AKT3: variants seen among roughly 807,000 people sequenced by gnomAD.
AKT3 encodes the protein RAC-gamma serine/threonine-protein kinase.
AKT3 carries 15 observed loss-of-function variants against 65.3 expected under a neutral mutation model. That is an observed-to-expected ratio of 0.23 (90% confidence interval 0.15 to 0.35). The LOEUF (loss-of-function observed/expected upper bound fraction) is 0.35. Among genes scored for constraint, AKT3 ranks in the 10% least tolerant of loss-of-function variants. The probability of loss-of-function intolerance (pLI) is 1.00; values close to 1 mark genes in which losing one functional copy is unlikely to be tolerated. For missense variants in AKT3, 243 were observed against 576.5 expected (o/e 0.42, Z 5.92); for synonymous variants, 206 against 183.8 (o/e 1.12, Z -0.98).
At chr1:243,830,064 T>TC (rs1694407707) in intron 2 of AKT3, among the ~76,000 whole-genome samples, 1 of 152,168 alleles carries the variant, frequency 6.6e-6, no homozygotes. Flanking sequence ...TCTGTGGGTT[T>TC]CCCATCTGTG....
intron 2 of AKT3, among the ~76,000 whole-genome samples, chr1:243,790,838 C>T (rs778595925): frequency 2.3e-4 from 35 of 152,060 alleles, no homozygotes; most frequent in Non-Finnish European, 4.0e-4. Context: ...GACAGGGGTA[C>T]AGCCAGTTGC....
rs760788868 is a variant in AKT3 at position 243,779,713 on chromosome 1, A to G, written c.46+63412T>C. Among the ~76,000 whole-genome samples the G allele has an allele frequency of 4.9e-4, 75 of 152,110 alleles. 1 individual carries two copies. The highest frequency in any genetic ancestry group is 8.8e-4 in the Non-Finnish European group (60 of 67,976). Reference sequence around the variant, plus strand: ...AAGAATTAAAAATAAAGGAAAGTTAATACTATTTTCCACTAAGAAGAACCA... The same window carrying G: ...AAGAATTAAAAATAAAGGAAAGTTAGTACTATTTTCCACTAAGAAGAACCA... On this transcript the variant is annotated intron_variant, in intron 2 of 13. Coordinates refer to ENST00000673466, the MANE Select transcript of AKT3 (RefSeq NM_005465.7).
At chr1:243,511,263 C>T (rs1669994582) in intron 13 of AKT3, among the ~76,000 whole-genome samples, 1 of 152,230 alleles carries the variant, frequency 6.6e-6, no homozygotes, top group African/African-American at 2.4e-5. Flanking sequence ...GAAAGAAAAG[C>T]ACACACACGT....
At position 243,524,073 on chromosome 1, in the gene AKT3, G is replaced by A. The variant is rs527455896; in HGVS notation, c.1252-11647C>T. Among the ~76,000 whole-genome samples the A allele has an allele frequency of 5.3e-5, 8 of 152,320 alleles. No homozygotes were observed. In the East Asian group the frequency reaches 5.8e-4, roughly 11 times the overall value. ...TGCCCTAGGCTACAGCCCTGTACACGTTACAGTGCTGAATACGGTAGGCAA... is the reference window on the plus strand; with the variant it reads ...TGCCCTAGGCTACAGCCCTGTACACATTACAGTGCTGAATACGGTAGGCAA... On this transcript the variant is annotated intron_variant, in intron 12 of 13. Coordinates refer to ENST00000673466, the MANE Select transcript of AKT3 (RefSeq NM_005465.7).
At chr1:243,596,423 G>A (rs1461274862) in intron 8 of AKT3, among the ~76,000 whole-genome samples, 1 of 152,138 alleles carries the variant, frequency 6.6e-6, no homozygotes, top group African/African-American at 2.4e-5. Flanking sequence ...CGAATAATAG[G>A]TGAAATATTT....
At chr1:243,842,993 T>G in intron 2 of AKT3, 132 bp downstream of exon 2, 1 of 918,364 alleles carries the variant, frequency 1.1e-6, no homozygotes, top group Non-Finnish European at 1.6e-6. Context: ...ACACGTTAAA[T>G]ATATCATTTC....
chr1:243,686,878 T>A (rs1195914200), intron 3 of AKT3, among the ~76,000 whole-genome samples: 2 of 150,800 alleles, frequency 1.3e-5, no homozygotes, highest in Non-Finnish European at 3.0e-5. Context: ...TTGGCCAGGC[T>A]GCTCTCAAAT....
At chr1:243,595,227 T>C (rs933760075) in intron 8 of AKT3, among the ~76,000 whole-genome samples, 3 of 152,172 alleles carry the variant, frequency 2.0e-5, no homozygotes, top group East Asian at 3.8e-4. Flanking sequence ...ACAATGATAT[T>C]TGCACATCTA....
intron 8 of AKT3, among the ~76,000 whole-genome samples, chr1:243,588,306 T>TA (rs1462603014): frequency 6.6e-6 from 1 of 152,164 alleles, no homozygotes; most frequent in Non-Finnish European, 1.5e-5. Flanking sequence ...TAGTAGCTCT[T>TA]AGAGCTCACG....
chr1:243,671,851 A>G (rs1173512740), intron 3 of AKT3, among the ~76,000 whole-genome samples: 2 of 152,332 alleles, frequency 1.3e-5, no homozygotes, highest in African/African-American at 4.8e-5. Flanking sequence ...GAGTCATTAT[A>G]TAAGGATTTA....
chr1:243,564,780 T>C (rs1574616665), intron 9 of AKT3, among the ~76,000 whole-genome samples: 3 of 152,260 alleles, frequency 2.0e-5, no homozygotes, highest in African/African-American at 2.4e-5. Context: ...ATTTCTTCTG[T>C]CATACTGAAA....
chr1:243,679,326 G>T (rs780971841), intron 3 of AKT3, among the ~76,000 whole-genome samples: 5 of 152,114 alleles, frequency 3.3e-5, no homozygotes, highest in Non-Finnish European at 5.9e-5. Flanking sequence ...TTGCTCAAGG[G>T]TCAACTGTAT....
At chr1:243,839,472 G>C (rs1036724335) in intron 2 of AKT3, among the ~76,000 whole-genome samples, 1 of 152,166 alleles carries the variant, frequency 6.6e-6, no homozygotes, top group African/African-American at 2.4e-5. Context: ...TGTTTGCTCC[G>C]TGATGTTTCT....
chr1:243,500,236 C>G lies in AKT3; in HGVS notation c.*5013G>C, dbSNP rs1193924592. 2.5e-5 allele frequency: 6 copies of G among 243,836 alleles called. No individual in the cohort carries two copies. The East Asian group carries it at 3.5e-4, about 14-fold the overall frequency. The allele number at this position is 243,836 out of a possible 1,614,324, so 15.1% of individuals were successfully genotyped here. On this transcript the variant is annotated 3_prime_UTR_variant, in exon 14 of 14. Coordinates refer to ENST00000673466, the MANE Select transcript of AKT3 (RefSeq NM_005465.7). ...TTCTTTTCATGATCTATATATCAATCATCCTTCACCTTTAATCAATGTCCC... is the reference window on the plus strand; with the variant it reads ...TTCTTTTCATGATCTATATATCAATGATCCTTCACCTTTAATCAATGTCCC...
chr1:243,533,816 C>T (rs986707460), intron 12 of AKT3, among the ~76,000 whole-genome samples: 2 of 151,758 alleles, frequency 1.3e-5, no homozygotes, highest in African/African-American at 4.8e-5. Flanking sequence ...TGGTGAAACC[C>T]CATCTCTACT....
chr1:243,584,748 T>A (rs1675665580), intron 8 of AKT3, among the ~76,000 whole-genome samples: 1 of 152,040 alleles, frequency 6.6e-6, no homozygotes, highest in African/African-American at 2.4e-5. Context: ...GGAACATACC[T>A]GAAAATAATA....
chr1:243,640,238 A>T (rs1209900667), intron 5 of AKT3, among the ~76,000 whole-genome samples: 2 of 152,222 alleles, frequency 1.3e-5, no homozygotes, highest in African/African-American at 4.8e-5. Context: ...TGAACAAATA[A>T]CAGGTAATAT....
intron 12 of AKT3, among the ~76,000 whole-genome samples, chr1:243,538,241 G>A (rs551914833): frequency 2.0e-5 from 3 of 152,208 alleles, no homozygotes; most frequent in African/African-American, 4.8e-5. Context: ...ATGACTCAAG[G>A]TAGACTAAGT....
In AKT3 at chr1:243,527,916, CACACACACACACACACACACAG is replaced by C. The variant is rs1269792499; in HGVS notation, c.1252-15512_1252-15491del. The stretch of plus-strand genomic sequence containing the variant: ...ACACACACACACACACACACACACA[CACACACACACACACACACACAG>C]AGAGAGAGAGAGAGAGAGAGAATTT... On this transcript the variant is annotated intron_variant, in intron 12 of 13. Coordinates refer to ENST00000673466, the MANE Select transcript of AKT3 (RefSeq NM_005465.7). Among the ~76,000 whole-genome samples, 592 of 97,388 alleles carry C rather than the reference CACACACACACACACACACACAG, an allele frequency of 6.1e-3. 12 individuals carry two copies. Among genetic ancestry groups the C allele is most frequent in the African/African-American group, 9.3e-3 (194 of 20,762 alleles). 63.9% of individuals were successfully genotyped at this position (97,388 alleles called of 152,430 possible). A position where few individuals can be genotyped will look rare whatever the true frequency, so the allele number is the denominator to read the frequency against.
Sources: gnomAD v4.1 joint callset for allele counts (sites outside exome capture counted in the v4.1 genomes callset) on GRCh38, gnomAD v4.1.1 for gene constraint, MANE v1.5 for transcripts, NCBI Gene and HGNC (gene_info 2026-07-23, HGNC 2026-07-21) for gene names.